FOXP2: variants seen among roughly 807,000 people sequenced by gnomAD.
FOXP2 encodes the protein forkhead box protein P2.
Under a neutral mutation model 115.8 loss-of-function variants are expected in FOXP2, and 12 were observed. The observed-to-expected ratio is 0.10, with a 90% CI of 0.07 to 0.17. The LOEUF is 0.17. Ranked by LOEUF, FOXP2 falls within the 10% of genes least tolerant of loss-of-function variation. The probability of loss-of-function intolerance (pLI) is 1.00; values close to 1 mark genes in which losing one functional copy is unlikely to be tolerated. For missense variants in FOXP2, 629 were observed against 843.5 expected (o/e 0.75, Z 3.15); for synonymous variants, 328 against 297.7 (o/e 1.10, Z -1.05).
At chr7:114,675,178 C>CAAAAAT (rs1554443044) in intron 16 of FOXP2, among the ~76,000 whole-genome samples, 1 of 151,834 alleles carries the variant, frequency 6.6e-6, no homozygotes, top group Non-Finnish European at 1.5e-5. Context: ...CATCAAATTC[C>CAAAAAT]AAAAATAATT....
intron 1 of FOXP2, among the ~76,000 whole-genome samples, chr7:114,258,308 A>G (rs557523664): frequency 2.6e-5 from 4 of 152,218 alleles, no homozygotes; most frequent in Non-Finnish European, 5.9e-5. Context: ...TCCCTACATT[A>G]TACTGTGTTT....
chr7:114,499,550 T>A (rs568838325), intron 2 of FOXP2: 14 of 152,312 alleles, frequency 9.2e-5, no homozygotes, highest in African/African-American at 3.1e-4. Flanking sequence ...CTTCCTTTCA[T>A]CTTACACAAT....
Position 114,693,115 on chromosome 7 carries a change from G to A in FOXP2, c.*3189G>A. 2.2e-6 allele frequency: 1 copy of A among 453,848 alleles called. No homozygotes were observed. Among genetic ancestry groups the A allele is most frequent in the Non-Finnish European group, 4.4e-6 (1 of 226,658 alleles). The allele number at this position is 453,848 out of a possible 1,614,324, so 28.1% of individuals were successfully genotyped here. ...TGGGCTTAAGGCTTATATTCTATGTGGTTGGATTCGTGGCACAGTTGTACT... is the reference window on the plus strand; with the variant it reads ...TGGGCTTAAGGCTTATATTCTATGTAGTTGGATTCGTGGCACAGTTGTACT... On this transcript the variant is annotated 3_prime_UTR_variant, in exon 17 of 17. Transcript: ENST00000350908.
At chr7:114,247,970 CAGAG>C (rs1231126903) in intron 1 of FOXP2, among the ~76,000 whole-genome samples, 2 of 152,112 alleles carry the variant, frequency 1.3e-5, no homozygotes, top group East Asian at 3.9e-4. Flanking sequence ...TACACACACA[CAGAG>C]AGAGAAATGA....
chr7:114,460,033 C>T (rs1396256219), intron 2 of FOXP2, among the ~76,000 whole-genome samples: 1 of 152,148 alleles, frequency 6.6e-6, no homozygotes, highest in Non-Finnish European at 1.5e-5. Flanking sequence ...TTCATGTCTT[C>T]AGAACGATTG....
chr7:114,332,172 T>C (rs1282280770), intron 2 of FOXP2, among the ~76,000 whole-genome samples: 1 of 152,118 alleles, frequency 6.6e-6, no homozygotes, highest in East Asian at 1.9e-4. Flanking sequence ...TTCTAGACTA[T>C]TGCCAATGAT....
chr7:114,374,444 AT>A (rs1470076515), intron 2 of FOXP2, among the ~76,000 whole-genome samples: 1 of 152,224 alleles, frequency 6.6e-6, no homozygotes, highest in Non-Finnish European at 1.5e-5. Context: ...AATCAAAAAA[AT>A]ACCTTAATAT....
intron 1 of FOXP2, among the ~76,000 whole-genome samples, chr7:114,121,006 A>G (rs1791547664): frequency 1.3e-5 from 2 of 152,066 alleles, no homozygotes; most frequent in African/African-American, 4.8e-5. Flanking sequence ...TGTACAATAT[A>G]GGAAAAGTAG....
At chr7:114,647,623 C>G (rs1288898990) in intron 8 of FOXP2, among the ~76,000 whole-genome samples, 1 of 151,836 alleles carries the variant, frequency 6.6e-6, no homozygotes, top group East Asian at 1.9e-4. Context: ...CAGAAGCTAA[C>G]CATTTTTCCT....
intron 14 of FOXP2, 84 bp from the exon 15 acceptor site, chr7:114,663,366 G>A (rs570711516): frequency 3.9e-6 from 4 of 1,027,286 alleles, no homozygotes; most frequent in Admixed American, 3.7e-5. Flanking sequence ...AGACAAGCCA[G>A]AACATACCTT....
In FOXP2 at chr7:114,517,856, C is replaced by T. The variant is rs548901617; in HGVS notation, c.169-16761C>T. On this transcript the variant is annotated intron_variant, in intron 2 of 16. Coordinates refer to ENST00000350908, the MANE Select transcript of FOXP2 (RefSeq NM_014491.4). Reference sequence around the variant, plus strand: ...ATTTTAAGATTTTTTTTTCGATTTCCGTGAAAAATATCATTTGAATTTTGA... The same window carrying T: ...ATTTTAAGATTTTTTTTTCGATTTCTGTGAAAAATATCATTTGAATTTTGA... Among the ~76,000 whole-genome samples the T allele has an allele frequency of 3.9e-4, 59 of 151,798 alleles. 1 individual carries two copies. The highest frequency in any genetic ancestry group is 9.7e-4 in the African/African-American group (40 of 41,386).
rs114784365 is a variant in FOXP2, at chr7:114,692,117, C to A, written c.*2191C>A. On this transcript the variant is annotated 3_prime_UTR_variant, in exon 17 of 17. Transcript: ENST00000350908. ...GGTATGGTGAAAGATGGTTTTCAGT[C>A]ATCTAGGATCCTACTGTAAGGATTA... is the stretch of plus-strand genomic sequence containing the variant. 91 of 453,772 alleles carry A rather than the reference C, an allele frequency of 2.0e-4. No homozygotes were observed. Among genetic ancestry groups the A allele is most frequent in the African/African-American group, 1.7e-3 (86 of 50,034 alleles). 28.1% of individuals were successfully genotyped at this position (453,772 alleles called of 1,614,324 possible).
At chr7:114,627,184 T>C (rs78479242) in intron 3 of FOXP2, among the ~76,000 whole-genome samples, 3,944 of 151,852 alleles carry the variant, frequency 0.026, 218 homozygotes, top group East Asian at 0.23. Flanking sequence ...CTTTTCATTA[T>C]TAATTTCTCC....
At chr7:114,154,123 A>G (rs1242739112) in intron 1 of FOXP2, among the ~76,000 whole-genome samples, 1 of 152,150 alleles carries the variant, frequency 6.6e-6, no homozygotes, top group Non-Finnish European at 1.5e-5. Context: ...CTTTTATTGC[A>G]GCTTTTATTG....
intron 1 of FOXP2, among the ~76,000 whole-genome samples, chr7:114,102,734 C>CA (rs1584480301): frequency 1.9e-5 from 2 of 106,630 alleles, no homozygotes; most frequent in Non-Finnish European, 3.7e-5. Context: ...ACACACACAC[C>CA]CCAATGGTTA....
At chr7:114,197,212 CA>C (rs1324809986) in intron 1 of FOXP2, among the ~76,000 whole-genome samples, 1 of 151,810 alleles carries the variant, frequency 6.6e-6, no homozygotes, top group Non-Finnish European at 1.5e-5. Context: ...CAAAGCAAAA[CA>C]AAAAACAAAA....
Position 114,595,511 on chromosome 7 carries a change from A to G in FOXP2, c.259-33029A>G, listed in dbSNP as rs185079063. ...TTTCCTTTTCTGAAAGATGTTTATG[A>G]TAAAAGCAAAAGCAGAGGTTAATAG... On this transcript the variant is annotated intron_variant, in intron 3 of 16. Transcript: ENST00000350908. Among the ~76,000 whole-genome samples the G allele has an allele frequency of 3.3e-5, 5 of 152,174 alleles. No homozygotes were observed. In the East Asian group the frequency reaches 7.7e-4, roughly 24 times the overall value.
At chr7:114,243,342 A>G (rs1795200675) in intron 1 of FOXP2, among the ~76,000 whole-genome samples, 1 of 152,110 alleles carries the variant, frequency 6.6e-6, no homozygotes, top group Non-Finnish European at 1.5e-5. Context: ...AGAGCACCCA[A>G]TCAGGGACTA....
chr7:114,176,336 T>TTCTC (rs1186084127), intron 1 of FOXP2, among the ~76,000 whole-genome samples: 2 of 135,972 alleles, frequency 1.5e-5, no homozygotes, highest in South Asian at 4.4e-4. Flanking sequence ...TTTTCTTTCT[T>TTCTC]TCTCTCTCTC....
Sources: gnomAD v4.1 joint callset for allele counts (sites outside exome capture counted in the v4.1 genomes callset) on GRCh38, gnomAD v4.1.1 for gene constraint, MANE v1.5 for transcripts, NCBI Gene and HGNC (gene_info 2026-07-23, HGNC 2026-07-21) for gene names.